Variants in ITFG1 observed in about 807,000 individuals in gnomAD.
ITFG1 encodes T-cell immunomodulatory protein.
Under a neutral mutation model 81.8 loss-of-function variants are expected in ITFG1, and 34 were observed. That is an observed-to-expected ratio of 0.42 (90% CI 0.32 to 0.55). The LOEUF (loss-of-function observed/expected upper bound fraction) is 0.55, where lower values mean the gene tolerates loss of function less well. Ranked by LOEUF, ITFG1 falls within the 20% of genes least tolerant of loss-of-function variation. The probability of loss-of-function intolerance (pLI) is 0.17; values close to 1 mark genes in which losing one functional copy is unlikely to be tolerated. For missense variants in ITFG1, 672 were observed against 755.4 expected (o/e 0.89, Z 1.29); for synonymous variants, 285 against 270.6 (o/e 1.05, Z -0.52).
At chr16:47,401,343 A>C (rs545205336) in intron 6 of ITFG1, among the ~76,000 whole-genome samples, 4 of 152,234 alleles carry the variant, frequency 2.6e-5, no homozygotes, top group Non-Finnish European at 5.9e-5. Context: ...GGTCTAGAAT[A>C]AGATACATAA....
At chr16:47,425,731 C>A (rs561172267) in intron 6 of ITFG1, 67 of 151,992 alleles carry the variant, frequency 4.4e-4, no homozygotes, top group African/African-American at 1.5e-3. Context: ...TAGCTGGGGT[C>A]ACAGGCGTGT....
intron 14 of ITFG1, among the ~76,000 whole-genome samples, chr16:47,189,584 T>A (rs537401786): frequency 1.3e-5 from 2 of 152,350 alleles, no homozygotes; most frequent in Admixed American, 6.5e-5. Flanking sequence ...ACCATATCTG[T>A]GGTTTACCCA....
chr16:47,235,421 A>C (rs1293899441), intron 13 of ITFG1, among the ~76,000 whole-genome samples: 2 of 152,226 alleles, frequency 1.3e-5, no homozygotes, highest in East Asian at 3.8e-4. Flanking sequence ...GGCTGTGGTC[A>C]GAGTTGGATA....
intron 13 of ITFG1, among the ~76,000 whole-genome samples, chr16:47,230,504 T>C (rs1281291595): frequency 2.0e-5 from 3 of 152,072 alleles, no homozygotes; most frequent in South Asian, 2.1e-4. Context: ...GGTACATATG[T>C]ATACATGTAC....
At chr16:47,393,372 T>C (rs538627642) in intron 6 of ITFG1, among the ~76,000 whole-genome samples, 1 of 152,292 alleles carries the variant, frequency 6.6e-6, no homozygotes, top group African/African-American at 2.4e-5. Flanking sequence ...CAAGGGGCTA[T>C]ACTGGTATTG....
intron 6 of ITFG1, among the ~76,000 whole-genome samples, chr16:47,412,026 G>A (rs1475987807): frequency 6.6e-6 from 1 of 152,110 alleles, no homozygotes; most frequent in Non-Finnish European, 1.5e-5. Flanking sequence ...TTGGACCTCA[G>A]AAATAACCCA....
chr16:47,375,909 AGTGGTG>A lies in ITFG1; in HGVS notation c.681_686del (p.Thr228_Thr229del), dbSNP rs773280488. On this transcript the variant is annotated inframe_deletion, in exon 7 of 18. Transcript: ENST00000320640. The stretch of plus-strand genomic sequence containing the variant: ...CCCATATTTCAAACTGGAAGGTACT[AGTGGTG>A]GCATTCAATGTCGTCAGGAATAAAT... 4 of 1,607,358 alleles carry A rather than the reference AGTGGTG, an allele frequency of 2.5e-6. No individual in the cohort carries two copies. The African/African-American group carries it at 5.3e-5, about 21-fold the overall frequency.
At chr16:47,259,990 G>A (rs1021576097) in intron 11 of ITFG1, among the ~76,000 whole-genome samples, 1 of 150,554 alleles carries the variant, frequency 6.6e-6, no homozygotes, top group East Asian at 1.9e-4. Context: ...CCAGGCTGGA[G>A]TGCAGTGGCG....
Position 47,347,250 on chromosome 16 carries a change from G to A in ITFG1, c.802+18538C>T, listed in dbSNP as rs561065563. Reference sequence around the variant, plus strand: ...GTGAGCCGAAGCAGGGCGAGGCATCGCCCCACCCAGGAAGTGCAAGGGGTA... The same window carrying A: ...GTGAGCCGAAGCAGGGCGAGGCATCACCCCACCCAGGAAGTGCAAGGGGTA... On this transcript the variant is annotated intron_variant, in intron 8 of 17. Transcript: ENST00000320640. 3.7e-4 allele frequency among the ~76,000 whole-genome samples: 57 copies of A among 152,346 alleles called. No homozygotes were observed. The South Asian group carries it at 6.6e-3, about 18-fold the overall frequency.
intron 8 of ITFG1, among the ~76,000 whole-genome samples, chr16:47,323,043 AT>A (rs1296705762): frequency 2.6e-5 from 4 of 152,090 alleles, no homozygotes; most frequent in Admixed American, 6.6e-5. Flanking sequence ...ATGGATACTT[AT>A]CTAGTGATGC....
intron 10 of ITFG1, among the ~76,000 whole-genome samples, chr16:47,306,345 G>A (rs1001006739): frequency 6.6e-5 from 10 of 151,890 alleles, no homozygotes; most frequent in African/African-American, 2.2e-4. Context: ...TAAAAGTATT[G>A]CACAAGCCAC....
chr16:47,306,727 T>A (rs1414385753), intron 10 of ITFG1, among the ~76,000 whole-genome samples: 1 of 151,698 alleles, frequency 6.6e-6, no homozygotes, highest in Non-Finnish European at 1.5e-5. Flanking sequence ...AAGAAATTCA[T>A]CTTACTGAAA....
Position 47,311,366 on chromosome 16 carries a change from C to A in ITFG1, c.944G>T (p.Gly315Val). Reference protein sequence around the residue: ...QDFSNKGTLWGFVPFVDEQQP... With the variant: ...QDFSNKGTLWVFVPFVDEQQP... ...CTGTTCATCCACAAATGGCACAAAG[C>A]CCCAGAGTGTGCCCTTATTGCTGAA... Residue 315 changes from glycine (G) to valine (V), a missense_variant, in exon 10 of 18, where the codon GGC (glycine) becomes GTC (valine). Transcript: ENST00000320640. The A allele has an allele frequency of 1.2e-6, 2 of 1,613,728 alleles. No individual in the cohort carries two copies. Among genetic ancestry groups the A allele is most frequent in the South Asian group, 1.1e-5 (1 of 91,054 alleles).
chr16:47,225,976 T>G (rs887251302), intron 13 of ITFG1, among the ~76,000 whole-genome samples: 1 of 152,216 alleles, frequency 6.6e-6, no homozygotes, highest in African/African-American at 2.4e-5. Context: ...TTACCTGATA[T>G]AAAAGACTAT....
chr16:47,218,799 C>A, intron 14 of ITFG1, 69 bp downstream of exon 14: 1 of 879,832 alleles, frequency 1.1e-6, no homozygotes. Flanking sequence ...ATTTTTTCCA[C>A]CAGTTTACCT....
At chr16:47,399,077 G>T (rs544830916) in intron 6 of ITFG1, among the ~76,000 whole-genome samples, 29 of 152,288 alleles carry the variant, frequency 1.9e-4, no homozygotes, top group Admixed American at 5.9e-4. Flanking sequence ...AGAGATTGCA[G>T]AGTATAAGAA....
intron 6 of ITFG1, among the ~76,000 whole-genome samples, chr16:47,391,292 T>C (rs921798646): frequency 6.6e-5 from 10 of 152,230 alleles, no homozygotes; most frequent in African/African-American, 2.4e-4. Flanking sequence ...TGTTTTATAA[T>C]CCTACAGTTG....
chr16:47,329,551 G>A (rs575653437), intron 8 of ITFG1, among the ~76,000 whole-genome samples: 18 of 152,178 alleles, frequency 1.2e-4, no homozygotes, highest in Non-Finnish European at 2.1e-4. Context: ...TCTGTAAAAT[G>A]CATACTATCC....
intron 12 of ITFG1, among the ~76,000 whole-genome samples, chr16:47,247,199 C>T (rs1265072493): frequency 3.9e-5 from 6 of 152,140 alleles, no homozygotes; most frequent in African/African-American, 1.4e-4. Context: ...TTGAAATTTA[C>T]AGACCATATA....
Sources: allele counts gnomAD v4.1 joint callset (sites outside exome capture counted in the v4.1 genomes callset), GRCh38; gene constraint gnomAD v4.1.1; transcripts MANE v1.5; gene names NCBI Gene and HGNC (gene_info 2026-07-23, HGNC 2026-07-21).